The following PABPC4L variants were observed in gnomAD, a reference collection of about 807,000 sequenced individuals.
PABPC4L encodes the protein poly(A) binding protein cytoplasmic 4 like, also known as polyadenylate-binding protein 4-like.
For missense variants in PABPC4L, 452 were observed against 451.4 expected, an observed-to-expected ratio of 1.00 and a Z score of -0.01; for synonymous variants, 169 against 164.1, an observed-to-expected ratio of 1.03 and a Z score of -0.23.
chr4:134,165,292 A>T, the PABPC4L span, among the ~76,000 whole-genome samples: 2 of 152,174 alleles, frequency 1.3e-5, no homozygotes, highest in African/African-American at 4.8e-5. Flanking sequence ...ATGAGACCTC[A>T]TTAAATTAAA....
the PABPC4L span, among the ~76,000 whole-genome samples, chr4:134,140,373 T>G: frequency 6.6e-5 from 10 of 151,822 alleles, no homozygotes. Context: ...AAAAAATAAC[T>G]TGGGAGACTG....
chr4:133,977,634 T>G, the PABPC4L span, among the ~76,000 whole-genome samples: 1 of 152,164 alleles, frequency 6.6e-6, no homozygotes, highest in Non-Finnish European at 1.5e-5. Context: ...ACTTCCCTTG[T>G]TAGCTGTATT....
At chr4:134,128,832 T>C in the PABPC4L span, among the ~76,000 whole-genome samples, 2 of 152,100 alleles carry the variant, frequency 1.3e-5, no homozygotes, top group Non-Finnish European at 2.9e-5. Flanking sequence ...CTCAATACCA[T>C]TGTTGAACGT....
the PABPC4L span, among the ~76,000 whole-genome samples, chr4:133,976,282 G>A: frequency 6.6e-6 from 1 of 152,106 alleles, no homozygotes; most frequent in Non-Finnish European, 1.5e-5. Context: ...GAAAGGGAAT[G>A]TTCTCATTCT....
chr4:134,178,562 G>A, the PABPC4L span, among the ~76,000 whole-genome samples: 1 of 151,920 alleles, frequency 6.6e-6, no homozygotes, highest in African/African-American at 2.4e-5. Context: ...TAAAATGTCA[G>A]AAATAGAATT....
At chr4:134,013,665 G>A in the PABPC4L span, among the ~76,000 whole-genome samples, 1 of 151,982 alleles carries the variant, frequency 6.6e-6, no homozygotes, top group Non-Finnish European at 1.5e-5. Context: ...TGATGTCCAG[G>A]CATTCTTTTA....
the PABPC4L span, among the ~76,000 whole-genome samples, chr4:134,006,366 G>T: frequency 6.6e-6 from 1 of 151,760 alleles, no homozygotes. Context: ...CTATAATCTT[G>T]GTAACAAGGT....
chr4:133,955,006 G>T, the PABPC4L span, among the ~76,000 whole-genome samples: 1 of 151,910 alleles, frequency 6.6e-6, no homozygotes, highest in Non-Finnish European at 1.5e-5. Context: ...AATGCACACT[G>T]GGGTAATTTT....
At chr4:134,003,259 A>G in the PABPC4L span, among the ~76,000 whole-genome samples, 16 of 152,120 alleles carry the variant, frequency 1.1e-4, no homozygotes, top group Admixed American at 8.5e-4. Context: ...AGTTATGTAT[A>G]TTCACATGTC....
chr4:134,127,257 C>A, the PABPC4L span, among the ~76,000 whole-genome samples: 570 of 152,118 alleles, frequency 3.7e-3, 2 homozygotes, highest in African/African-American at 0.013. Flanking sequence ...CCGCCCCCCA[C>A]CTGACCCTAG....
rs1729787345 is a variant in PABPC4L, at chr4:134,199,831, A to T, written c.*76T>A. Reference sequence around the variant, plus strand: ...ATCATGTGGAATATGAAATTTACTGAGGTCAATTCAGGCAGAGATCACTAT... The same window carrying T: ...ATCATGTGGAATATGAAATTTACTGTGGTCAATTCAGGCAGAGATCACTAT... On this transcript the variant is annotated 3_prime_UTR_variant, in exon 2 of 2. Coordinates refer to ENST00000421491, the MANE Select transcript of PABPC4L (RefSeq NM_001114734.2). 2 of 1,473,824 alleles carry T rather than the reference A, an allele frequency of 1.4e-6. No individual in the cohort carries two copies. The highest frequency in any genetic ancestry group is 5.0e-5 in the East Asian group (2 of 40,166). The allele number at this position is 1,473,824 out of a possible 1,614,324, so 91.3% of individuals were successfully genotyped here. A position where few individuals can be genotyped will look rare whatever the true frequency, so the allele number is the denominator to read the frequency against.
the PABPC4L span, among the ~76,000 whole-genome samples, chr4:134,113,938 C>T: frequency 7.2e-5 from 11 of 151,962 alleles, no homozygotes; most frequent in South Asian, 2.3e-3. Flanking sequence ...AAATTATACT[C>T]AACCTTTTGC....
At chr4:134,189,810 T>C in the PABPC4L span, among the ~76,000 whole-genome samples, 1 of 152,080 alleles carries the variant, frequency 6.6e-6, no homozygotes, top group African/African-American at 2.4e-5. Flanking sequence ...ATAACTAGAG[T>C]TGACTGGAAT....
the PABPC4L span, among the ~76,000 whole-genome samples, chr4:134,152,593 G>A: frequency 6.6e-6 from 1 of 152,098 alleles, no homozygotes; most frequent in Non-Finnish European, 1.5e-5. Flanking sequence ...TCAATACCAT[G>A]TGGAAGACAG....
At chr4:134,041,763 G>C in the PABPC4L span, among the ~76,000 whole-genome samples, 2 of 151,930 alleles carry the variant, frequency 1.3e-5, no homozygotes, top group African/African-American at 4.8e-5. Context: ...TTACTGAAAA[G>C]TCAAAAAACA....
At chr4:134,060,090 A>G in the PABPC4L span, among the ~76,000 whole-genome samples, 3 of 152,194 alleles carry the variant, frequency 2.0e-5, no homozygotes, top group South Asian at 4.1e-4. Context: ...CCCTGTCTCA[A>G]TGGAAAGCAA....
the PABPC4L span, among the ~76,000 whole-genome samples, chr4:134,134,972 T>C: frequency 6.6e-6 from 1 of 151,838 alleles, no homozygotes; most frequent in Non-Finnish European, 1.5e-5. Flanking sequence ...ATCTGTGTGT[T>C]AAATTTAATA....
At chr4:134,123,992 G>A in the PABPC4L span, among the ~76,000 whole-genome samples, 3 of 152,034 alleles carry the variant, frequency 2.0e-5, no homozygotes, top group Non-Finnish European at 4.4e-5. Context: ...TACTTACAAG[G>A]TTTGACCTTA....
the PABPC4L span, among the ~76,000 whole-genome samples, chr4:134,179,259 GAAAA>G: frequency 6.6e-6 from 1 of 150,932 alleles, no homozygotes; most frequent in African/African-American, 2.4e-5. Flanking sequence ...ATTCTTAAAA[GAAAA>G]AAAAATTTCA....
Sources: allele counts gnomAD v4.1 joint callset (sites outside exome capture counted in the v4.1 genomes callset), GRCh38; gene constraint gnomAD v4.1.1; transcripts MANE v1.5; gene names NCBI Gene and HGNC (gene_info 2026-07-23, HGNC 2026-07-21).